Variants in CD8B observed in about 807,000 individuals in gnomAD.
CD8B encodes T-cell surface glycoprotein CD8 beta chain.
CD8B carries 6 observed loss-of-function variants against 24.2 expected under a neutral mutation model. That is an observed-to-expected ratio of 0.25 (90% CI 0.14 to 0.49). The LOEUF (loss-of-function observed/expected upper bound fraction) is 0.49, where lower values mean the gene tolerates loss of function less well. Among genes scored for constraint, CD8B ranks in the 20% least tolerant of loss-of-function variants. The pLI is 0.98. For synonymous variants in CD8B, 84 were observed against 108.3 expected (o/e 0.78, Z 1.39); for missense variants, 196 against 271.3 (o/e 0.72, Z 1.95).
downstream of CD8B, among the ~76,000 whole-genome samples, chr2:86,834,135 C>T (rs59440503): frequency 0.32 from 49,251 of 151,782 alleles, 8,452 homozygotes; most frequent in Non-Finnish European, 0.39. Flanking sequence ...TCTACTTTCC[C>T]GGGGACCCAT....
intron 5 of CD8B, among the ~76,000 whole-genome samples, chr2:86,830,298 G>T (rs1314091787): frequency 6.6e-6 from 1 of 152,036 alleles, no homozygotes; most frequent in South Asian, 2.1e-4. Flanking sequence ...AATTCTTGTG[G>T]GGCCAGGCAT....
At chr2:86,815,571 A>T in exon 6 of CD8B, 1 of 1,217,896 alleles carries the variant, frequency 8.2e-7, no homozygotes, top group South Asian at 1.2e-5. Flanking sequence ...TGGTAAAAGT[A>T]GTAAAGATCC....
chr2:86,825,989 G>C (rs1224690084), intron 5 of CD8B, among the ~76,000 whole-genome samples: 1 of 152,130 alleles, frequency 6.6e-6, no homozygotes, highest in Non-Finnish European at 1.5e-5. Context: ...AGCTCTCGGG[G>C]GGAAAACATC....
At chr2:86,833,110 C>CA in intron 5 of CD8B, 3 of 308,054 alleles carry the variant, frequency 9.7e-6, no homozygotes, top group South Asian at 5.3e-5. Context: ...TCCTGTGTTA[C>CA]AAAAAAGGAT....
downstream of CD8B, among the ~76,000 whole-genome samples, chr2:86,836,659 G>A (rs1349588470): frequency 1.3e-5 from 2 of 151,958 alleles, no homozygotes; most frequent in African/African-American, 2.4e-5. Context: ...ATGCTGGTGC[G>A]CACCTGTAGT....
chr2:86,852,567 A>G (rs1265879059), intron 3 of CD8B, among the ~76,000 whole-genome samples: 4 of 151,988 alleles, frequency 2.6e-5, no homozygotes, highest in Non-Finnish European at 5.9e-5. Context: ...TGGATATTCC[A>G]TAATCATGGA....
intron 5 of CD8B, among the ~76,000 whole-genome samples, chr2:86,828,306 TTGTGTGTG>T (rs72236144): frequency 3.5e-5 from 5 of 143,426 alleles, no homozygotes; most frequent in Admixed American, 7.0e-5. Flanking sequence ...ATAACTGGAA[TTGTGTGTG>T]TGTGTGTGTG....
chr2:86,828,816 T>C (rs1012538013), intron 5 of CD8B, among the ~76,000 whole-genome samples: 4 of 152,206 alleles, frequency 2.6e-5, no homozygotes, highest in African/African-American at 7.2e-5. Context: ...ATTCCTTTAC[T>C]CTCTTAAAAA....
At chr2:86,830,541 T>C (rs188220729) in intron 5 of CD8B, among the ~76,000 whole-genome samples, 1 of 151,888 alleles carries the variant, frequency 6.6e-6, no homozygotes, top group East Asian at 1.9e-4. Flanking sequence ...CACTCCAGCC[T>C]AGGGGACAGA....
chr2:86,817,065 C>G (rs1667665272), intron 5 of CD8B, among the ~76,000 whole-genome samples: 1 of 152,092 alleles, frequency 6.6e-6, no homozygotes, highest in Admixed American at 6.5e-5. Flanking sequence ...AAAAAGATGC[C>G]AAACATTACT....
At chr2:86,855,703 G>A (rs1316279521) in intron 2 of CD8B, among the ~76,000 whole-genome samples, 1 of 152,224 alleles carries the variant, frequency 6.6e-6, no homozygotes, top group Non-Finnish European at 1.5e-5. Context: ...TCCTGGGAGT[G>A]TTGCCTCCTT....
chr2:86,817,973 G>A (rs1318364577), intron 5 of CD8B, among the ~76,000 whole-genome samples: 2 of 152,148 alleles, frequency 1.3e-5, no homozygotes, highest in African/African-American at 2.4e-5. Context: ...ACTTTGGGAG[G>A]CCAAGATGGG....
intron 1 of CD8B, among the ~76,000 whole-genome samples, chr2:86,859,994 G>A (rs1232787643): frequency 6.6e-6 from 1 of 152,160 alleles, no homozygotes; most frequent in African/African-American, 2.4e-5. Context: ...ATGGGGCCGG[G>A]TGTGGTGGCT....
Position 86,841,811 on chromosome 2 carries a change from C to G in CD8B, c.*496G>C, listed in dbSNP as rs943562719. 1.0e-6 allele frequency: 1 copy of G among 985,710 alleles called. No homozygotes were observed. The highest frequency in any genetic ancestry group is 1.7e-5 in the African/African-American group (1 of 57,256). The allele number at this position is 985,710 out of a possible 1,614,324, so 61.1% of individuals were successfully genotyped here. On this transcript the variant is annotated 3_prime_UTR_variant, in exon 6 of 6. Coordinates refer to ENST00000390655, the MANE Select transcript of CD8B (RefSeq NM_004931.5). Reference sequence around the variant, plus strand: ...ATATGCCTTCTGGGAACTGGACAGCCCCTCTCAGCAAGCCTCATTCCCAAC... The same window carrying G: ...ATATGCCTTCTGGGAACTGGACAGCGCCTCTCAGCAAGCCTCATTCCCAAC...
At chr2:86,844,641 C>T (rs1351958550) in intron 5 of CD8B, 2 of 1,472,138 alleles carry the variant, frequency 1.4e-6, no homozygotes, top group Admixed American at 2.0e-5. Context: ...TCTATTTATA[C>T]AGTCTGTAAT....
chr2:86,832,171 T>C (rs1674927406), intron 5 of CD8B, among the ~76,000 whole-genome samples: 1 of 152,088 alleles, frequency 6.6e-6, no homozygotes. Flanking sequence ...CCTTGAGTGA[T>C]TATAAAACTA....
Position 86,846,925 on chromosome 2 carries a change from G to GTCTTTTTTTTTTTTTTTTT in CD8B, c.494-153_494-152insAAAAAAAAAAAAAAAAAGA, listed in dbSNP as rs1285464744. On this transcript the variant is annotated intron_variant, in intron 3 of 5. Transcript: ENST00000390655. ...TTCGATGTAATGTATTTTTCCTCAA[G>GTCTTTTTTTTTTTTTTTTT]TATTTTTTTTTTTTTTTTTTTTTTT... The GTCTTTTTTTTTTTTTTTTT allele has an allele frequency of 1.7e-5, 3 of 176,724 alleles. 1 individual carries two copies. The highest frequency in any genetic ancestry group is 1.1e-5 in the Non-Finnish European group (1 of 92,860). The allele number at this position is 176,724 out of a possible 1,614,324, so 10.9% of individuals were successfully genotyped here. A position where few individuals can be genotyped will look rare whatever the true frequency, so the allele number is the denominator to read the frequency against.
downstream of CD8B, among the ~76,000 whole-genome samples, chr2:86,837,486 C>T (rs912600188): frequency 1.4e-4 from 22 of 152,010 alleles, no homozygotes; most frequent in African/African-American, 5.1e-4. Flanking sequence ...GTGTCAGTGA[C>T]GCATCGAAGG....
chr2:86,837,691 T>G (rs1464125391), downstream of CD8B, among the ~76,000 whole-genome samples: 4 of 98,634 alleles, frequency 4.1e-5, no homozygotes, highest in East Asian at 3.4e-4. Flanking sequence ...GGGGTGGGGA[T>G]GAGTAAGGAT....
Sources: gnomAD v4.1 joint callset for allele counts (sites outside exome capture counted in the v4.1 genomes callset) on GRCh38, gnomAD v4.1.1 for gene constraint, MANE v1.5 for transcripts, NCBI Gene and HGNC (gene_info 2026-07-23, HGNC 2026-07-21) for gene names.